The following APBA2 variants were observed in gnomAD, a reference collection of about 807,000 sequenced individuals.
The protein encoded by APBA2 is amyloid-beta A4 precursor protein-binding family A member 2.
Under a neutral mutation model 75.0 loss-of-function variants are expected in APBA2, and 30 were observed. The observed-to-expected ratio is 0.40, with a 90% CI of 0.30 to 0.54. The LOEUF is 0.54. APBA2 is among the 20% of genes least tolerant of loss of function. APBA2 has a pLI of 0.49. For missense variants in APBA2, 801 were observed against 1,016.1 expected, an observed-to-expected ratio of 0.79 and a Z score of 2.88; for synonymous variants, 444 against 409.6, an observed-to-expected ratio of 1.08 and a Z score of -1.01.
chr15:29,023,023 T>G (rs1030363704), intron 3 of APBA2, among the ~76,000 whole-genome samples: 2 of 152,334 alleles, frequency 1.3e-5, no homozygotes, highest in Non-Finnish European at 2.9e-5. Context: ...AGCCATTGAT[T>G]TATGTGTTAA....
At chr15:29,112,246 C>T (rs566717878) in intron 13 of APBA2, among the ~76,000 whole-genome samples, 23 of 152,350 alleles carry the variant, frequency 1.5e-4, no homozygotes, top group African/African-American at 4.6e-4. Context: ...CATATGCAGG[C>T]GCTGGAGGAT....
At chr15:29,107,103 A>G (rs2044457065) in intron 12 of APBA2, among the ~76,000 whole-genome samples, 1 of 152,180 alleles carries the variant, frequency 6.6e-6, no homozygotes, top group Admixed American at 6.5e-5. Flanking sequence ...GGGCCCAAGA[A>G]CCAGTGAGTA....
intron 3 of APBA2, among the ~76,000 whole-genome samples, chr15:29,014,132 A>T (rs1343080679): frequency 6.6e-6 from 1 of 152,212 alleles, no homozygotes; most frequent in Non-Finnish European, 1.5e-5. Context: ...CCACAGACTG[A>T]CAGTTTTCCC....
chr15:29,041,851 C>T (rs373323393), intron 3 of APBA2, among the ~76,000 whole-genome samples: 1 of 152,154 alleles, frequency 6.6e-6, no homozygotes, highest in African/African-American at 2.4e-5. Flanking sequence ...TGATTACATG[C>T]GGGAGAATTT....
intron 1 of APBA2, among the ~76,000 whole-genome samples, chr15:28,915,620 A>T (rs1396850256): frequency 5.3e-5 from 8 of 150,432 alleles, no homozygotes; most frequent in Admixed American, 2.6e-4. Context: ...CATCTTATAC[A>T]CACCACACAC....
chr15:29,101,078 T>C (rs1342205368), intron 9 of APBA2, among the ~76,000 whole-genome samples: 1 of 151,598 alleles, frequency 6.6e-6, no homozygotes, highest in Non-Finnish European at 1.5e-5. Flanking sequence ...AAGAGGGAGG[T>C]GCTACTGGCA....
intron 2 of APBA2, among the ~76,000 whole-genome samples, chr15:28,985,618 A>G (rs956273511): frequency 1.3e-5 from 2 of 152,188 alleles, no homozygotes; most frequent in Non-Finnish European, 2.9e-5. Context: ...GGGAAATAGC[A>G]CATGTTGAGA....
intron 3 of APBA2, among the ~76,000 whole-genome samples, chr15:29,039,821 T>A (rs938846804): frequency 2.0e-5 from 3 of 152,160 alleles, no homozygotes; most frequent in Admixed American, 6.5e-5. Context: ...CTGTCCAGGA[T>A]GGAGTAAGCC....
chr15:29,115,756 C>T (rs918502001), intron 14 of APBA2, among the ~76,000 whole-genome samples: 3 of 152,160 alleles, frequency 2.0e-5, no homozygotes, highest in African/African-American at 7.2e-5. Flanking sequence ...AAGCCCCTGC[C>T]GGGAGCAGGA....
At chr15:28,908,315 G>GTTTTTTTTTTTTTT (rs765084356) in intron 1 of APBA2, among the ~76,000 whole-genome samples, 1 of 137,594 alleles carries the variant, frequency 7.3e-6, no homozygotes, top group African/African-American at 3.0e-5. Context: ...TTGTTTTCTT[G>GTTTTTTTTTTTTTT]TTTTTTTTTT....
At chr15:29,063,016 G>A (rs2042202719) in intron 4 of APBA2, among the ~76,000 whole-genome samples, 1 of 115,492 alleles carries the variant, frequency 8.7e-6, no homozygotes. Flanking sequence ...TGTATGGGTG[G>A]GGAGGGGAGT....
intron 3 of APBA2, among the ~76,000 whole-genome samples, chr15:29,012,083 A>G (rs2039430371): frequency 6.6e-6 from 1 of 152,216 alleles, no homozygotes; most frequent in Non-Finnish European, 1.5e-5. Flanking sequence ...AACATCTCAC[A>G]TTAGTATGGT....
chr15:28,925,119 C>T (rs954392350), intron 2 of APBA2, among the ~76,000 whole-genome samples: 4 of 152,102 alleles, frequency 2.6e-5, no homozygotes, highest in African/African-American at 9.7e-5. Flanking sequence ...GCTTTTTCTG[C>T]ATCAATTGAT....
intron 3 of APBA2, among the ~76,000 whole-genome samples, chr15:29,039,463 TTCATTA>T (rs1397710013): frequency 6.6e-6 from 1 of 152,118 alleles, no homozygotes; most frequent in Non-Finnish European, 1.5e-5. Flanking sequence ...TTTTGTCATA[TTCATTA>T]TAGTGGTTCT....
In APBA2 at chr15:29,010,606, A is replaced by G. The variant is rs189691571; in HGVS notation, c.-41+14800A>G. Among the ~76,000 whole-genome samples, 291 of 152,278 alleles carry G rather than the reference A, an allele frequency of 1.9e-3. 1 individual carries two copies. Among genetic ancestry groups the G allele is most frequent in the African/African-American group, 6.8e-3 (283 of 41,550 alleles). On this transcript the variant is annotated intron_variant, in intron 3 of 14. Coordinates refer to ENST00000683413, the MANE Select transcript of APBA2 (RefSeq NM_001353788.2). ...CCTGAGACCTTTGCTAGATGTACATATTACAAATATTTTCTCACACTTTCT... is the reference window on the plus strand; with the variant it reads ...CCTGAGACCTTTGCTAGATGTACATGTTACAAATATTTTCTCACACTTTCT...
intron 4 of APBA2, among the ~76,000 whole-genome samples, chr15:29,069,314 T>C (rs1475552672): frequency 1.3e-5 from 2 of 152,384 alleles, no homozygotes; most frequent in East Asian, 3.9e-4. Flanking sequence ...AGTGCCACTG[T>C]GACCATATGT....
intron 2 of APBA2, among the ~76,000 whole-genome samples, chr15:28,948,085 G>T (rs915030679): frequency 2.0e-5 from 3 of 152,284 alleles, no homozygotes; most frequent in African/African-American, 7.2e-5. Flanking sequence ...TGATGATGTG[G>T]TTATTCCCAT....
chr15:28,911,186 G>A (rs1254445651), intron 1 of APBA2, among the ~76,000 whole-genome samples: 1 of 152,134 alleles, frequency 6.6e-6, no homozygotes, highest in African/African-American at 2.4e-5. Flanking sequence ...TCTTGGATTT[G>A]GGGACTCTGT....
intron 2 of APBA2, among the ~76,000 whole-genome samples, chr15:28,924,359 C>T (rs2034142731): frequency 6.6e-6 from 1 of 152,182 alleles, no homozygotes; most frequent in Non-Finnish European, 1.5e-5. Context: ...CTATCTGTGT[C>T]TAGTTCCAAC....
Sources: gnomAD v4.1 joint callset for allele counts (sites outside exome capture counted in the v4.1 genomes callset) on GRCh38, gnomAD v4.1.1 for gene constraint, MANE v1.5 for transcripts, NCBI Gene and HGNC (gene_info 2026-07-23, HGNC 2026-07-21) for gene names.